ADGRL3: variants seen among roughly 807,000 people sequenced by gnomAD.
The protein encoded by ADGRL3 is calcium-independent alpha-latrotoxin receptor 3.
In ADGRL3, 62 loss-of-function variants were observed where a neutral mutation model predicts 153.5. The ratio of observed to expected loss-of-function variants is 0.40; its 90% CI spans 0.33 to 0.50. ADGRL3 has a LOEUF of 0.50. ADGRL3 is among the 20% of genes least tolerant of loss of function. The pLI, the probability that ADGRL3 is intolerant of heterozygous loss-of-function variation, is 0.47. For synonymous variants in ADGRL3, 710 were observed against 672.5 expected, an observed-to-expected ratio of 1.06 and a Z score of -0.86; for missense variants, 1,641 against 1,859.4, an observed-to-expected ratio of 0.88 and a Z score of 2.16.
At chr4:61,396,284 A>G (rs1293393356) in intron 2 of ADGRL3, among the ~76,000 whole-genome samples, 1 of 151,916 alleles carries the variant, frequency 6.6e-6, no homozygotes, top group East Asian at 1.9e-4. Context: ...TATGTTTAAT[A>G]TATTTAGAAT....
At chr4:61,983,347 T>C in intron 18 of ADGRL3, 36 bp from the exon 19 acceptor site, 1 of 1,548,432 alleles carries the variant, frequency 6.5e-7, no homozygotes, top group Non-Finnish European at 8.9e-7. Context: ...TCCCATGTGG[T>C]AGAGATTTGA....
intron 1 of ADGRL3, among the ~76,000 whole-genome samples, chr4:61,276,302 A>G (rs2093455823): frequency 6.6e-6 from 1 of 152,154 alleles, no homozygotes; most frequent in Admixed American, 6.6e-5. Flanking sequence ...AGATGCTTTT[A>G]AACCATTTGT....
intron 1 of ADGRL3, among the ~76,000 whole-genome samples, chr4:61,327,455 A>G (rs2095488843): frequency 6.6e-6 from 1 of 151,772 alleles, no homozygotes; most frequent in African/African-American, 2.4e-5. Context: ...AATTGGAGAG[A>G]GATTACACAT....
At chr4:61,711,084 A>G (rs73823205) in intron 6 of ADGRL3, among the ~76,000 whole-genome samples, 1 of 152,242 alleles carries the variant, frequency 6.6e-6, no homozygotes, top group African/African-American at 2.4e-5. Context: ...GAAAGTTACC[A>G]AGAGTTGGAC....
chr4:61,844,127 T>C (rs1398401504), intron 9 of ADGRL3, among the ~76,000 whole-genome samples: 2 of 152,304 alleles, frequency 1.3e-5, no homozygotes, highest in African/African-American at 4.8e-5. Context: ...TTTTGTGTTT[T>C]CTGTTTTATC....
intron 17 of ADGRL3, among the ~76,000 whole-genome samples, chr4:61,952,514 A>T (rs2098950969): frequency 6.6e-6 from 1 of 151,538 alleles, no homozygotes; most frequent in Admixed American, 6.6e-5. Flanking sequence ...CCAAAATTTT[A>T]TTTGACTCAA....
chr4:61,820,375 A>G (rs560643661), intron 9 of ADGRL3, among the ~76,000 whole-genome samples: 4 of 152,304 alleles, frequency 2.6e-5, no homozygotes, highest in African/African-American at 9.6e-5. Context: ...GTAAATTCCA[A>G]TAGTTTACTA....
chr4:61,651,773 AT>A (rs377167454), intron 5 of ADGRL3, among the ~76,000 whole-genome samples: 1,669 of 126,718 alleles, frequency 0.013, 14 homozygotes, highest in Admixed American at 0.043. Context: ...AGGCCCAGCT[AT>A]TTTTTTTTTT....
At chr4:61,310,703 G>A (rs1252776428) in intron 1 of ADGRL3, among the ~76,000 whole-genome samples, 6 of 150,892 alleles carry the variant, frequency 4.0e-5, no homozygotes, top group African/African-American at 1.5e-4. Flanking sequence ...TACTTTCTAA[G>A]AAACTCTTTT....
chr4:61,641,556 G>A (rs1411247218), intron 5 of ADGRL3, among the ~76,000 whole-genome samples: 4 of 151,256 alleles, frequency 2.6e-5, no homozygotes, highest in African/African-American at 7.3e-5. Flanking sequence ...TTGTTCTTGC[G>A]ATAGTTTACT....
intron 1 of ADGRL3, among the ~76,000 whole-genome samples, chr4:61,224,127 C>T (rs968098688): frequency 1.3e-5 from 2 of 151,540 alleles, no homozygotes; most frequent in Non-Finnish European, 2.9e-5. Flanking sequence ...TGTGTGGGGC[C>T]GCAAAATCAG....
In ADGRL3 at chr4:62,078,098, T is replaced by C. The variant is rs900450109; in HGVS notation, c.*7190T>C. On this transcript the variant is annotated 3_prime_UTR_variant, in exon 27 of 27. Transcript: ENST00000683033. The stretch of plus-strand genomic sequence containing the variant: ...ACTAACAACTAATTGTGTTATTCCT[T>C]GTTGATAAGAAAGTCACTTTTTAGA... 6.6e-6 allele frequency: 1 copy of C among 152,044 alleles called. No homozygotes were observed. The highest frequency in any genetic ancestry group is 1.5e-5 in the Non-Finnish European group (1 of 67,906). The allele number at this position is 152,044 out of a possible 1,614,324, so 9.4% of individuals were successfully genotyped here.
chr4:61,235,304 G>T (rs1752395613), intron 1 of ADGRL3, among the ~76,000 whole-genome samples: 1 of 152,088 alleles, frequency 6.6e-6, no homozygotes, highest in African/African-American at 2.4e-5. Flanking sequence ...AATTAAGAAA[G>T]GGTTGAGAAC....
intron 2 of ADGRL3, among the ~76,000 whole-genome samples, chr4:61,478,944 G>A (rs2098099600): frequency 6.6e-6 from 1 of 151,958 alleles, no homozygotes; most frequent in East Asian, 1.9e-4. Flanking sequence ...ACTCTTAAGA[G>A]TTTCTTTCTG....
chr4:61,798,474 T>C (rs1292736779), intron 8 of ADGRL3, among the ~76,000 whole-genome samples: 1 of 152,174 alleles, frequency 6.6e-6, no homozygotes, highest in Non-Finnish European at 1.5e-5. Context: ...TGCAGATGTG[T>C]GAAACAAAAT....
At chr4:61,907,747 A>T (rs1255649811) in intron 11 of ADGRL3, among the ~76,000 whole-genome samples, 1 of 152,094 alleles carries the variant, frequency 6.6e-6, no homozygotes, top group African/African-American at 2.4e-5. Flanking sequence ...ATTTTGCAAA[A>T]ATTGATATTA....
chr4:61,240,260 G>A (rs1754407047), intron 1 of ADGRL3, among the ~76,000 whole-genome samples: 1 of 152,044 alleles, frequency 6.6e-6, no homozygotes, highest in South Asian at 2.1e-4. Context: ...ATTTATAAGG[G>A]TTCTGATCCC....
At chr4:61,730,681 G>A (rs1373518100) in intron 7 of ADGRL3, 45 bp downstream of exon 7, 2 of 453,018 alleles carry the variant, frequency 4.4e-6, no homozygotes, top group Non-Finnish European at 3.8e-6. Flanking sequence ...TATAGGCTAA[G>A]TTATTTAACA....
At chr4:61,724,781 C>A (rs2096297906) in intron 6 of ADGRL3, among the ~76,000 whole-genome samples, 1 of 151,618 alleles carries the variant, frequency 6.6e-6, no homozygotes, top group South Asian at 2.1e-4. Context: ...TTTTTTATTT[C>A]TATTTACTGA....
Sources: allele counts gnomAD v4.1 joint callset (sites outside exome capture counted in the v4.1 genomes callset), GRCh38; gene constraint gnomAD v4.1.1; transcripts MANE v1.5; gene names NCBI Gene and HGNC (gene_info 2026-07-23, HGNC 2026-07-21).